DLGAP2: variants seen among roughly 807,000 people sequenced by gnomAD.
The protein encoded by DLGAP2 is DLG associated protein 2.
DLGAP2 carries 26 observed loss-of-function variants against 100.3 expected under a neutral mutation model. The ratio of observed to expected loss-of-function variants is 0.26; its 90% CI spans 0.19 to 0.36. The LOEUF is 0.36. DLGAP2 is among the 10% of genes least tolerant of loss of function. DLGAP2 has a pLI of 1.00. For missense variants in DLGAP2, 1,858 were observed against 1,453.2 expected, an observed-to-expected ratio of 1.28 and a Z score of -4.53; for synonymous variants, 886 against 630.1, an observed-to-expected ratio of 1.41 and a Z score of -6.08.
At chr8:1,472,614 A>C (rs1158586584) in intron 3 of DLGAP2, among the ~76,000 whole-genome samples, 1 of 152,158 alleles carries the variant, frequency 6.6e-6, no homozygotes, top group Non-Finnish European at 1.5e-5. Context: ...TGATGTAAAC[A>C]ATCCTCAAGA....
chr8:1,110,010 T>G (rs1280157090), intron 2 of DLGAP2, among the ~76,000 whole-genome samples: 2 of 124,166 alleles, frequency 1.6e-5, no homozygotes, highest in Non-Finnish European at 3.3e-5. Flanking sequence ...CTGTGACATG[T>G]GCTGGGTCTG....
chr8:1,425,298 G>A (rs1797207660), intron 3 of DLGAP2, among the ~76,000 whole-genome samples: 1 of 152,160 alleles, frequency 6.6e-6, no homozygotes, highest in Admixed American at 6.5e-5. Context: ...CATGGTAAAT[G>A]GGGGGTTCAT....
intron 3 of DLGAP2, among the ~76,000 whole-genome samples, chr8:1,469,108 T>A (rs1798710204): frequency 6.6e-6 from 1 of 152,070 alleles, no homozygotes; most frequent in East Asian, 1.9e-4. Flanking sequence ...ATGAAAGAAA[T>A]CCATGCTGGG....
At chr8:1,154,583 T>C (rs1796747734) in intron 2 of DLGAP2, among the ~76,000 whole-genome samples, 1 of 151,904 alleles carries the variant, frequency 6.6e-6, no homozygotes, top group Non-Finnish European at 1.5e-5. Context: ...TCTTTTCTTC[T>C]TTCATCGCAA....
At chr8:1,086,119 C>G (rs182889811) in intron 2 of DLGAP2, among the ~76,000 whole-genome samples, 1 of 151,992 alleles carries the variant, frequency 6.6e-6, no homozygotes, top group African/African-American at 2.4e-5. Context: ...GATTTTATAT[C>G]CTGCCATTTT....
intron 2 of DLGAP2, among the ~76,000 whole-genome samples, chr8:1,183,581 A>G (rs187512997): frequency 9.1e-4 from 139 of 152,328 alleles, no homozygotes; most frequent in African/African-American, 3.1e-3. Flanking sequence ...CATGTTGCAC[A>G]TGCTGCCCGG....
chr8:794,744 A>G (rs1466389540), intron 1 of DLGAP2, among the ~76,000 whole-genome samples: 2 of 152,172 alleles, frequency 1.3e-5, no homozygotes, highest in Non-Finnish European at 2.9e-5. Context: ...GGGCCAGTTT[A>G]TGGCCAGATT....
intron 7 of DLGAP2, among the ~76,000 whole-genome samples, chr8:1,628,499 T>A (rs886674036): frequency 1.5e-4 from 21 of 144,368 alleles, no homozygotes; most frequent in Non-Finnish European, 3.0e-4. Context: ...TCTGACTTAC[T>A]GTGGAGCAGG....
intron 2 of DLGAP2, among the ~76,000 whole-genome samples, chr8:1,192,803 C>G (rs1797667789): frequency 6.6e-6 from 1 of 151,892 alleles, no homozygotes; most frequent in African/African-American, 2.4e-5. Context: ...GGTATATCTC[C>G]TAAAGCTATC....
At chr8:1,276,616 G>C (rs889717967) in intron 3 of DLGAP2, among the ~76,000 whole-genome samples, 19 of 151,160 alleles carry the variant, frequency 1.3e-4, no homozygotes, top group Non-Finnish European at 2.5e-4. Flanking sequence ...CAAAGGTGGT[G>C]CGTCTTGTGT....
chr8:1,475,139 T>C (rs1798897107), intron 3 of DLGAP2, among the ~76,000 whole-genome samples: 1 of 152,124 alleles, frequency 6.6e-6, no homozygotes, highest in Non-Finnish European at 1.5e-5. Context: ...CTGCACGTTC[T>C]CACTCATAAG....
chr8:1,565,922 C>T, intron 6 of DLGAP2, 28 bp downstream of exon 6: 1 of 1,553,444 alleles, frequency 6.4e-7, no homozygotes. Flanking sequence ...CCTTCCCACT[C>T]CAAGCACTTT....
At chr8:888,036 T>C (rs1297995735) in intron 1 of DLGAP2, among the ~76,000 whole-genome samples, 1 of 152,212 alleles carries the variant, frequency 6.6e-6, no homozygotes, top group African/African-American at 2.4e-5. Context: ...TTTAATCTTT[T>C]TATGAAGTCC....
At chr8:1,682,570 G>A (rs1010935203) in intron 12 of DLGAP2, among the ~76,000 whole-genome samples, 2 of 151,794 alleles carry the variant, frequency 1.3e-5, no homozygotes, top group Non-Finnish European at 2.9e-5. Context: ...AGCCTCCCGA[G>A]TTCAAGTGAT....
intron 2 of DLGAP2, among the ~76,000 whole-genome samples, chr8:1,223,021 G>C (rs1184437629): frequency 2.0e-5 from 3 of 152,164 alleles, no homozygotes; most frequent in East Asian, 1.9e-4. Flanking sequence ...CAAATCTTCT[G>C]GAGTTCTGTC....
intron 1 of DLGAP2, among the ~76,000 whole-genome samples, chr8:855,281 T>C (rs1197160774): frequency 6.6e-6 from 1 of 152,174 alleles, no homozygotes; most frequent in East Asian, 1.9e-4. Flanking sequence ...CATGGGCACT[T>C]TCAGCATGAA....
chr8:1,456,788 G>C (rs7012140), intron 3 of DLGAP2, among the ~76,000 whole-genome samples: 202 of 49,598 alleles, frequency 4.1e-3, no homozygotes, highest in African/African-American at 0.012. Context: ...TTGGTTTTGC[G>C]AGGGAGCTCT....
chr8:1,503,074 G>A (rs1799780851), intron 4 of DLGAP2, among the ~76,000 whole-genome samples: 1 of 152,210 alleles, frequency 6.6e-6, no homozygotes, highest in Non-Finnish European at 1.5e-5. Flanking sequence ...ATCGAGGGAT[G>A]AGGCTGGGGG....
intron 2 of DLGAP2, among the ~76,000 whole-genome samples, chr8:1,157,592 G>T (rs987268840): frequency 6.6e-6 from 1 of 152,186 alleles, no homozygotes; most frequent in East Asian, 1.9e-4. Flanking sequence ...CCAGCCAACG[G>T]TGGCGCTGTG....
Sources: allele counts gnomAD v4.1 joint callset (sites outside exome capture counted in the v4.1 genomes callset), GRCh38; gene constraint gnomAD v4.1.1; transcripts MANE v1.5; gene names NCBI Gene and HGNC (gene_info 2026-07-23, HGNC 2026-07-21).